The following VTI1A variants were observed in gnomAD, a reference collection of about 807,000 sequenced individuals.
VTI1A encodes vesicle transport through interaction with t-SNAREs homolog 1A.
VTI1A carries 22 observed loss-of-function variants against 34.9 expected under a neutral mutation model. The observed-to-expected ratio is 0.63, with a 90% CI of 0.45 to 0.90. VTI1A has a LOEUF of 0.90. Ranked by LOEUF, VTI1A falls within the 40% of genes least tolerant of loss-of-function variation. The pLI is 0.00. For missense variants in VTI1A, 268 were observed against 275.6 expected, an observed-to-expected ratio of 0.97 and a Z score of 0.20; for synonymous variants, 87 against 97.3, an observed-to-expected ratio of 0.89 and a Z score of 0.62.
chr10:112,654,490 A>C (rs1431512543), intron 5 of VTI1A, among the ~76,000 whole-genome samples: 1 of 151,662 alleles, frequency 6.6e-6, no homozygotes. Context: ...TTTTCTTTTT[A>C]TTTATTTATT....
intron 5 of VTI1A, among the ~76,000 whole-genome samples, chr10:112,584,815 G>A (rs572375563): frequency 6.6e-6 from 1 of 152,200 alleles, no homozygotes; most frequent in Non-Finnish European, 1.5e-5. Flanking sequence ...CTTACATGCA[G>A]TGAGTTGGGA....
intron 3 of VTI1A, among the ~76,000 whole-genome samples, chr10:112,514,686 A>G (rs1236853243): frequency 6.6e-6 from 1 of 151,834 alleles, no homozygotes; most frequent in East Asian, 1.9e-4. Context: ...AAGTATTGGT[A>G]TGTTGTTTCT....
chr10:112,664,565 A>C (rs913141777), intron 5 of VTI1A, among the ~76,000 whole-genome samples: 14 of 152,284 alleles, frequency 9.2e-5, no homozygotes, highest in African/African-American at 3.4e-4. Context: ...GCTAGATTTG[A>C]AGTTACCTGA....
Position 112,815,612 on chromosome 10 carries a change from G to A in VTI1A, c.*229G>A. 5.5e-6 allele frequency: 3 copies of A among 546,058 alleles called. No homozygotes were observed. The highest frequency in any genetic ancestry group is 3.1e-5 in the East Asian group (1 of 32,680). 33.8% of individuals were successfully genotyped at this position (546,058 alleles called of 1,614,324 possible). A position where few individuals can be genotyped will look rare whatever the true frequency, so the allele number is the denominator to read the frequency against. On this transcript the variant is annotated 3_prime_UTR_variant, in exon 8 of 8. Coordinates refer to ENST00000393077, the MANE Select transcript of VTI1A (RefSeq NM_145206.4). Reference sequence around the variant, plus strand: ...CTTCACCCAGATTCGTTTTTTAGAGGGGAAGGTGAATGTTTATTTACCTTT... The same window carrying A: ...CTTCACCCAGATTCGTTTTTTAGAGAGGAAGGTGAATGTTTATTTACCTTT...
rs1165906722 is a variant in VTI1A, at chr10:112,465,233, T to G, written c.264+576T>G. Among the ~76,000 whole-genome samples, 4 of 151,652 alleles carry G rather than the reference T, an allele frequency of 2.6e-5. 1 individual carries two copies. The highest frequency in any genetic ancestry group is 5.9e-5 in the Non-Finnish European group (4 of 68,038). On this transcript the variant is annotated intron_variant, in intron 3 of 7. Coordinates refer to ENST00000393077, the MANE Select transcript of VTI1A (RefSeq NM_145206.4). ...AGCTGTCTCTTCCTATATATCTGGCTTTCAACCGTATCTGCTTTATAGCAA... is the reference window on the plus strand; with the variant it reads ...AGCTGTCTCTTCCTATATATCTGGCGTTCAACCGTATCTGCTTTATAGCAA...
At chr10:112,579,099 C>T (rs1452150875) in intron 5 of VTI1A, among the ~76,000 whole-genome samples, 6 of 152,046 alleles carry the variant, frequency 3.9e-5, no homozygotes, top group Non-Finnish European at 7.4e-5. Context: ...GAAGATAATC[C>T]CAGAGACACA....
At chr10:112,671,921 G>A (rs1421088862) in intron 7 of VTI1A, 1 of 151,730 alleles carries the variant, frequency 6.6e-6, no homozygotes, top group African/African-American at 2.4e-5. Flanking sequence ...AATATTTAAT[G>A]TCTGTATGCC....
At chr10:112,520,111 TTTGA>T (rs1436151267) in intron 3 of VTI1A, among the ~76,000 whole-genome samples, 1 of 152,058 alleles carries the variant, frequency 6.6e-6, no homozygotes, top group South Asian at 2.1e-4. Flanking sequence ...ATTTTGATAT[TTTGA>T]TTATTTCAAG....
intron 5 of VTI1A, among the ~76,000 whole-genome samples, chr10:112,614,134 C>G (rs1414677939): frequency 6.6e-6 from 1 of 152,088 alleles, no homozygotes; most frequent in Non-Finnish European, 1.5e-5. Context: ...TCAGTTAACC[C>G]CTGAGTTCGT....
chr10:112,649,495 A>T (rs1846928498), intron 5 of VTI1A, among the ~76,000 whole-genome samples: 1 of 152,200 alleles, frequency 6.6e-6, no homozygotes, highest in African/African-American at 2.4e-5. Context: ...CAGATATATA[A>T]GGCACAGTTT....
At chr10:112,675,092 G>GC (rs971043686) in intron 7 of VTI1A, among the ~76,000 whole-genome samples, 1 of 152,048 alleles carries the variant, frequency 6.6e-6, no homozygotes, top group African/African-American at 2.4e-5. Flanking sequence ...ACTGTCCCAT[G>GC]CCCCCCTCTC....
At chr10:112,621,085 G>A (rs1019065477) in intron 5 of VTI1A, among the ~76,000 whole-genome samples, 6 of 152,038 alleles carry the variant, frequency 3.9e-5, no homozygotes, top group African/African-American at 1.5e-4. Context: ...TCTTGTTTTG[G>A]TAGTTTTCAA....
At chr10:112,534,630 T>C (rs1850558380) in intron 4 of VTI1A, among the ~76,000 whole-genome samples, 1 of 152,122 alleles carries the variant, frequency 6.6e-6, no homozygotes, top group Non-Finnish European at 1.5e-5. Flanking sequence ...GTAATAATGA[T>C]ATATAAAATG....
At chr10:112,586,393 G>C (rs1844159557) in intron 5 of VTI1A, among the ~76,000 whole-genome samples, 1 of 152,022 alleles carries the variant, frequency 6.6e-6, no homozygotes, top group South Asian at 2.1e-4. Flanking sequence ...GTGCGAAGTG[G>C]GCGTTTTTAA....
the VTI1A span, among the ~76,000 whole-genome samples, chr10:112,834,288 T>C: frequency 5.9e-5 from 9 of 152,304 alleles, no homozygotes; most frequent in Admixed American, 5.2e-4. Context: ...GTTCTCTTAG[T>C]TCAAGTGAGC....
rs757468205 is a variant in VTI1A, at chr10:112,538,364, T to C, written c.427+34T>C. On this transcript the variant is annotated intron_variant, in intron 5 of 7. Coordinates refer to ENST00000393077, the MANE Select transcript of VTI1A (RefSeq NM_145206.4). The stretch of plus-strand genomic sequence containing the variant: ...TCTGAGAGTGAGCAAATTGTCTTGC[T>C]TATGCACAGCAGTCTTCACAACACA... The C allele has an allele frequency of 4.4e-6, 7 of 1,587,728 alleles. No homozygotes were observed. In the Admixed American group the frequency reaches 8.3e-5, roughly 19 times the overall value.
chr10:112,653,135 G>A (rs1177622137), intron 5 of VTI1A, among the ~76,000 whole-genome samples: 3 of 152,180 alleles, frequency 2.0e-5, no homozygotes, highest in African/African-American at 4.8e-5. Flanking sequence ...ATGAAGTCAT[G>A]TTACGAAGTC....
intron 7 of VTI1A, among the ~76,000 whole-genome samples, chr10:112,761,481 T>C (rs1304376593): frequency 6.6e-6 from 1 of 152,170 alleles, no homozygotes; most frequent in Non-Finnish European, 1.5e-5. Context: ...GAGTTATGAT[T>C]GTATAGGGAA....
intron 3 of VTI1A, among the ~76,000 whole-genome samples, chr10:112,523,335 C>T (rs1306088117): frequency 2.6e-5 from 4 of 152,092 alleles, no homozygotes; most frequent in African/African-American, 4.8e-5. Context: ...CCGAAATTCT[C>T]GCATTCATAA....
Sources: gnomAD v4.1 joint callset for allele counts (sites outside exome capture counted in the v4.1 genomes callset) on GRCh38, gnomAD v4.1.1 for gene constraint, MANE v1.5 for transcripts, NCBI Gene and HGNC (gene_info 2026-07-23, HGNC 2026-07-21) for gene names.